SYN1: variants seen among roughly 807,000 people sequenced by gnomAD.
SYN1 encodes synapsin-1.
In SYN1, 8 loss-of-function variants were observed where a neutral mutation model predicts 44.6. The ratio of observed to expected loss-of-function variants is 0.18; its 90% CI spans 0.11 to 0.32. The LOEUF is 0.32. Among genes scored for constraint, SYN1 ranks in the 10% least tolerant of loss-of-function variants. The pLI is 1.00. For missense variants in SYN1, 451 were observed against 639.4 expected (o/e 0.71, Z 3.18); for synonymous variants, 275 against 280.1 (o/e 0.98, Z 0.18).
At chrX:47,585,313 G>C in intron 5 of SYN1, 1 of 1,211,863 alleles carries the variant, frequency 8.3e-7, no homozygotes. Flanking sequence ...CAACCGCAGC[G>C]AGGAGTTTCT....
chrX:47,615,916 A>T (rs2057930046), intron 1 of SYN1, among the ~76,000 whole-genome samples: 1 of 111,439 alleles, frequency 9.0e-6, no homozygotes, highest in Non-Finnish European at 1.9e-5. Flanking sequence ...AAAGAAAAAC[A>T]CAGGACAAAA....
intron 5 of SYN1, among the ~76,000 whole-genome samples, chrX:47,597,774 C>T (rs2057868153): frequency 8.9e-6 from 1 of 111,795 alleles, no homozygotes; most frequent in Admixed American, 9.5e-5. Context: ...CAGAGAGAAT[C>T]TTGAAAGTAA....
At chrX:47,588,344 A>C (rs1036747913) in intron 5 of SYN1, among the ~76,000 whole-genome samples, 4 of 112,719 alleles carry the variant, frequency 3.5e-5, no homozygotes, top group African/African-American at 1.3e-4. Context: ...CGCTCCTGGC[A>C]ATTCGCCAAA....
chrX:47,610,289 T>A (rs2057913088), intron 1 of SYN1, among the ~76,000 whole-genome samples: 2 of 110,778 alleles, frequency 1.8e-5, no homozygotes, highest in Non-Finnish European at 3.8e-5. Context: ...GATGGGGATA[T>A]CTGGGCAGAT....
intron 5 of SYN1, chrX:47,582,486 C>T (rs934490510): frequency 3.4e-6 from 1 of 293,866 alleles, no homozygotes; most frequent in Non-Finnish European, 6.9e-6. Context: ...TAAGCAGGGC[C>T]CGGGGTGGCC....
chrX:47,614,089 G>T (rs916100802), intron 1 of SYN1, among the ~76,000 whole-genome samples: 1 of 111,939 alleles, frequency 8.9e-6, no homozygotes, highest in Non-Finnish European at 1.9e-5. Context: ...TAAACTGTAA[G>T]CTATGATTGC....
intron 5 of SYN1, among the ~76,000 whole-genome samples, chrX:47,593,990 G>A (rs2057856201): frequency 8.9e-6 from 1 of 111,822 alleles, no homozygotes; most frequent in Non-Finnish European, 1.9e-5. Flanking sequence ...TAGCACTTTG[G>A]GAGGCCAAGG....
chrX:47,575,175 G>C lies in SYN1; in HGVS notation c.1258C>G (p.Arg420Gly), dbSNP rs780269723. The C allele has an allele frequency of 1.7e-6, 2 of 1,195,993 alleles. No homozygotes were observed. Among genetic ancestry groups the C allele is most frequent in the African/African-American group, 1.7e-5 (1 of 57,564 alleles). The change falls in exon 10 of 13, where the codon CGG becomes GGG. Residue 420 changes from arginine to glycine, a missense_variant. Arg to Gly is a moderately radical substitution (Grantham distance 125). This residue lies in a region of SYN1 where 315 missense variants were observed against 451.4 expected (regional missense o/e 0.70). Coordinates refer to ENST00000295987, the MANE Select transcript of SYN1 (RefSeq NM_006950.3). ...VVNKMAQALPRQRQRDASPGR... is the reference protein window; with the variant it reads ...VVNKMAQALPGQRQRDASPGR... Reference sequence around the variant, plus strand: ...GGGGAGGCATCCCGCTGTCGCTGCCGGGGCAGGGCCTGAGCCATCTTGTTG... The same window carrying C: ...GGGGAGGCATCCCGCTGTCGCTGCCCGGGCAGGGCCTGAGCCATCTTGTTG...
Position 47,605,394 on chromosome X carries a change from G to T in SYN1, c.528-15C>A. The T allele has an allele frequency of 8.3e-7, 1 of 1,209,929 alleles. No homozygotes were observed. Among genetic ancestry groups the T allele is most frequent in the Non-Finnish European group, 1.1e-6 (1 of 894,525 alleles). On this transcript the variant is annotated splice_polypyrimidine_tract_variant and intron_variant, in intron 3 of 12. Coordinates refer to ENST00000295987, the MANE Select transcript of SYN1 (RefSeq NM_006950.3). Reference sequence around the variant, plus strand: ...GCTTCAGAGACCTAGTGTGGCAGGGGTAGGAGTGTTGAGAGTTCCCCCAGA... The same window carrying T: ...GCTTCAGAGACCTAGTGTGGCAGGGTTAGGAGTGTTGAGAGTTCCCCCAGA...
At position 47,616,629 on chromosome X, in the gene SYN1, A is replaced by C. The variant is rs749954732; in HGVS notation, c.377+2723T>G. Among the ~76,000 whole-genome samples, 3 of 112,053 alleles carry C rather than the reference A, an allele frequency of 2.7e-5. No individual in the cohort carries two copies. The Admixed American group carries it at 2.8e-4, about 11-fold the overall frequency. ...TTGGTGAGTGGACGTTGGTGAAGGA[A>C]TTACAGCACGTGCTCCATAAATGCT... On this transcript the variant is annotated intron_variant, in intron 1 of 12. Transcript: ENST00000295987.
Position 47,619,304 on chromosome X carries a change from CG to C in SYN1, c.377+47del, listed in dbSNP as rs766132601. 5.0e-6 allele frequency: 6 copies of C among 1,196,762 alleles called. No individual in the cohort carries two copies. The Admixed American group carries it at 1.3e-4, about 26-fold the overall frequency. ...CGATAATTGCTCATTCGCAGAAGAACGATCTGGGGACCCAGGCCCACGGGAG... is the reference window on the plus strand; with the variant it reads ...CGATAATTGCTCATTCGCAGAAGAACATCTGGGGACCCAGGCCCACGGGAG... On this transcript the variant is annotated intron_variant, in intron 1 of 12. Transcript: ENST00000295987.
In SYN1 at chrX:47,606,986, A is replaced by C; in HGVS notation, c.486T>G (p.Ser162=). ...CATTCCGAAGAACTTCCATATCCAC[A>C]GAGAATCCACCATTGGCATGGGCCA... is the stretch of plus-strand genomic sequence containing the variant. ...NLVAHANGGF[S]VDMEVLRNGV... Residue 162 remains serine (S), a synonymous_variant, in exon 3 of 13, where the codon TCT becomes TCG. Transcript: ENST00000295987. 8.3e-7 allele frequency: 1 copy of C among 1,211,232 alleles called. No individual in the cohort carries two copies. Among genetic ancestry groups the C allele is most frequent in the East Asian group, 3.0e-5 (1 of 33,834 alleles).
chrX:47,593,908 G>A (rs1043652808), intron 5 of SYN1, among the ~76,000 whole-genome samples: 4 of 111,601 alleles, frequency 3.6e-5, no homozygotes, highest in African/African-American at 1.3e-4. Context: ...TTAGAACCAC[G>A]CTAACGTCTT....
chrX:47,618,968 T>C (rs1003548107), intron 1 of SYN1, among the ~76,000 whole-genome samples: 1 of 110,815 alleles, frequency 9.0e-6, no homozygotes, highest in Non-Finnish European at 1.9e-5. Context: ...TGAGGCATAC[T>C]GCAGGTACTA....
At chrX:47,586,719 T>C in intron 5 of SYN1, 1 of 1,198,180 alleles carries the variant, frequency 8.3e-7, no homozygotes, top group Non-Finnish European at 1.1e-6. Context: ...AGCTGAAGCC[T>C]GCACAGTGTC....
At chrX:47,580,036 T>G (rs2057791550) in intron 5 of SYN1, among the ~76,000 whole-genome samples, 1 of 110,092 alleles carries the variant, frequency 9.1e-6, no homozygotes, top group African/African-American at 3.3e-5. Context: ...CTACATGGTA[T>G]CGGGCATACA....
chrX:47,585,644 A>G lies in SYN1; in HGVS notation c.775-8143T>C, dbSNP rs770667933. The G allele has an allele frequency of 3.3e-6, 4 of 1,203,956 alleles. No homozygotes were observed. In the South Asian group the frequency reaches 7.3e-5, roughly 22 times the overall value. On this transcript the variant is annotated intron_variant, in intron 5 of 12. Transcript: ENST00000295987. ...GCGCCGGGGCTTCACCAAGACCTAC[A>G]CTGTTGGCTGTGAGGAATGCACAGT... is the stretch of plus-strand genomic sequence containing the variant.
At chrX:47,612,975 A>C (rs1243775604) in intron 1 of SYN1, among the ~76,000 whole-genome samples, 1 of 110,124 alleles carries the variant, frequency 9.1e-6, no homozygotes, top group Non-Finnish European at 1.9e-5. Flanking sequence ...TCTACTAAAA[A>C]TACAAAAATT....
intron 5 of SYN1, among the ~76,000 whole-genome samples, chrX:47,587,778 A>G (rs932524112): frequency 1.8e-5 from 2 of 111,306 alleles, no homozygotes; most frequent in Non-Finnish European, 3.8e-5. Flanking sequence ...CCTGCCCCTC[A>G]TACTCCAAAG....
Sources: allele counts gnomAD v4.1 joint callset (sites outside exome capture counted in the v4.1 genomes callset), GRCh38; gene constraint gnomAD v4.1.1; regional missense constraint gnomAD v4.1.1; transcripts MANE v1.5; gene names NCBI Gene and HGNC (gene_info 2026-07-23, HGNC 2026-07-21).